DRC7: variants seen among roughly 807,000 people sequenced by gnomAD.
The protein encoded by DRC7 is dynein regulatory complex subunit 7.
Under a neutral mutation model 104.4 loss-of-function variants are expected in DRC7, and 80 were observed. That is an observed-to-expected ratio of 0.77 (90% confidence interval 0.64 to 0.92). DRC7 has a LOEUF of 0.92. Among genes scored for constraint, DRC7 ranks in the 40% least tolerant of loss-of-function variants. The pLI, the probability that DRC7 is intolerant of heterozygous loss-of-function variation, is 0.00. For synonymous variants in DRC7, 405 were observed against 447.3 expected (o/e 0.91, Z 1.19); for missense variants, 1,034 against 1,141.1 (o/e 0.91, Z 1.35).
intron 8 of DRC7, among the ~76,000 whole-genome samples, chr16:57,711,541 C>T (rs1214701429): frequency 2.0e-5 from 3 of 152,238 alleles, no homozygotes; most frequent in Non-Finnish European, 4.4e-5. Context: ...CCTTGTGGAG[C>T]AGGGCTACCC....
chr16:57,704,776 C>T, intron 6 of DRC7, 100 bp from the exon 7 acceptor site: 2 of 1,407,854 alleles, frequency 1.4e-6, no homozygotes, highest in Non-Finnish European at 9.7e-7. Flanking sequence ...CTGCCATCCC[C>T]CGGTCTGAGG....
chr16:57,727,554 C>G, intron 16 of DRC7, 145 bp downstream of exon 16: 1 of 622,158 alleles, frequency 1.6e-6, no homozygotes, highest in Non-Finnish European at 2.9e-6. Flanking sequence ...TGCTGCTGAA[C>G]TGACCATTTC....
In DRC7 at chr16:57,731,320, C is replaced by T; in HGVS notation, c.*62C>T. On this transcript the variant is annotated 3_prime_UTR_variant, in exon 19 of 19. Coordinates refer to ENST00000360716, the MANE Select transcript of DRC7 (RefSeq NM_001289162.2). ...AAGGAAACCTCTTCCCGCAGCCTGG[C>T]TCCTGTGTTCCCTCTATCCAGCCAA... The T allele has an allele frequency of 7.4e-7, 1 of 1,347,360 alleles. No homozygotes were observed. The highest frequency in any genetic ancestry group is 1.1e-6 in the Non-Finnish European group (1 of 947,296). The allele number at this position is 1,347,360 out of a possible 1,614,324, so 83.5% of individuals were successfully genotyped here.
chr16:57,708,310 C>T (rs548310687), intron 8 of DRC7, among the ~76,000 whole-genome samples: 6 of 152,280 alleles, frequency 3.9e-5, no homozygotes, highest in Admixed American at 1.3e-4. Context: ...TGACTTCTAA[C>T]GACATCCATT....
chr16:57,727,851 C>T (rs1186412149), intron 16 of DRC7, among the ~76,000 whole-genome samples: 1 of 152,222 alleles, frequency 6.6e-6, no homozygotes, highest in African/African-American at 2.4e-5. Context: ...TCCCTTTCAC[C>T]AACCAAGTTG....
chr16:57,704,079 G>T (rs947749209), intron 6 of DRC7, among the ~76,000 whole-genome samples: 1 of 151,292 alleles, frequency 6.6e-6, no homozygotes, highest in African/African-American at 2.4e-5. Context: ...CAGATGCAGA[G>T]AACTTTCGGG....
Position 57,724,715 on chromosome 16 carries a change from G to A in DRC7, c.1638G>A (p.Arg546=), listed in dbSNP as rs748718953. The A allele has an allele frequency of 6.2e-7, 1 of 1,613,886 alleles. No individual in the cohort carries two copies. Among genetic ancestry groups the A allele is most frequent in the Non-Finnish European group, 8.5e-7 (1 of 1,180,010 alleles). Residue 546 remains arginine, a synonymous_variant, in exon 13 of 19, where the codon AGG becomes AGA. Coordinates refer to ENST00000360716, the MANE Select transcript of DRC7 (RefSeq NM_001289162.2). ...DGLMKREETP[R]TMTEYYQGRP... Reference sequence around the variant, plus strand: ...TGATGAAGCGGGAGGAGACACCCAGGACAATGACAGAGTACTATCAAGGAC... The same window carrying A: ...TGATGAAGCGGGAGGAGACACCCAGAACAATGACAGAGTACTATCAAGGAC...
intron 8 of DRC7, 57 bp downstream of exon 8, chr16:57,707,735 T>C: frequency 6.6e-7 from 1 of 1,508,730 alleles, no homozygotes; most frequent in Middle Eastern, 1.7e-4. Context: ...GTGATAGGAA[T>C]AGAGGGAAGC....
chr16:57,724,295 G>A (rs2048938127), intron 12 of DRC7, among the ~76,000 whole-genome samples: 1 of 141,694 alleles, frequency 7.1e-6, no homozygotes, highest in South Asian at 2.3e-4. Context: ...GGGTGACAGA[G>A]CGAGGCTGTG....
chr16:57,695,287 C>G (rs113874565), intron 1 of DRC7, among the ~76,000 whole-genome samples: 3,457 of 150,680 alleles, frequency 0.023, 63 homozygotes, highest in Middle Eastern at 0.058. Flanking sequence ...TCTCTTCCAG[C>G]CTGAGACACA....
intron 7 of DRC7, 110 bp from the exon 8 acceptor site, chr16:57,707,350 A>C: frequency 1.1e-6 from 1 of 929,932 alleles, no homozygotes; most frequent in Non-Finnish European, 1.6e-6. Context: ...GGTGCAGTCT[A>C]CATCAGAACT....
rs779746901 is a variant in DRC7, at chr16:57,701,913, G to A, written c.505-23G>A. On this transcript the variant is annotated intron_variant, in intron 5 of 18. Transcript: ENST00000360716. ...GCTGGGGCAGCGGGGCCCCAGCTGTGCTGACCGTCCCACTGTGACCAGCCC... is the reference window on the plus strand; with the variant it reads ...GCTGGGGCAGCGGGGCCCCAGCTGTACTGACCGTCCCACTGTGACCAGCCC... 8 of 1,606,670 alleles carry A rather than the reference G, an allele frequency of 5.0e-6. No homozygotes were observed. In the South Asian group the frequency reaches 8.8e-5, roughly 18 times the overall value.
chr16:57,712,182 T>A (rs1029895587), intron 8 of DRC7, among the ~76,000 whole-genome samples: 1 of 152,238 alleles, frequency 6.6e-6, no homozygotes, highest in South Asian at 2.1e-4. Flanking sequence ...AGAAGCAAGA[T>A]GGAGTCGATT....
intron 12 of DRC7, among the ~76,000 whole-genome samples, chr16:57,723,465 G>T (rs1314506330): frequency 6.6e-6 from 1 of 152,218 alleles, no homozygotes; most frequent in Non-Finnish European, 1.5e-5. Context: ...GGACACAGGG[G>T]CTCACACCTG....
intron 7 of DRC7, among the ~76,000 whole-genome samples, chr16:57,705,465 C>T (rs1256334214): frequency 2.0e-5 from 3 of 150,278 alleles, no homozygotes; most frequent in Non-Finnish European, 4.4e-5. Flanking sequence ...TCCCATTCAT[C>T]CTCCCATCTG....
chr16:57,721,834 G>A (rs1430896214), intron 10 of DRC7, 95 bp downstream of exon 10: 2 of 856,600 alleles, frequency 2.3e-6, no homozygotes, highest in Admixed American at 2.2e-5. Flanking sequence ...ACACAGCAGG[G>A]AATGCCATGC....
At chr16:57,701,759 G>C in intron 5 of DRC7, 177 bp from the exon 6 acceptor site, 1 of 587,458 alleles carries the variant, frequency 1.7e-6, no homozygotes, top group Non-Finnish European at 3.0e-6. Context: ...ATGGTGTCTG[G>C]TTGTCATTCC....
chr16:57,717,493 G>A (rs546755885), intron 8 of DRC7, among the ~76,000 whole-genome samples: 6 of 151,772 alleles, frequency 4.0e-5, no homozygotes, highest in South Asian at 4.2e-4. Flanking sequence ...GAGGTCAGGA[G>A]TTCGAAACCA....
At chr16:57,698,300 C>T in intron 3 of DRC7, 148 bp downstream of exon 3, 1 of 1,294,930 alleles carries the variant, frequency 7.7e-7, no homozygotes, top group Non-Finnish European at 1.0e-6. Context: ...TTTCAAATGG[C>T]CTGGGCCGAG....
Sources: allele counts gnomAD v4.1 joint callset (sites outside exome capture counted in the v4.1 genomes callset), GRCh38; gene constraint gnomAD v4.1.1; transcripts MANE v1.5; gene names NCBI Gene and HGNC (gene_info 2026-07-23, HGNC 2026-07-21).